Variants in TMIGD1 observed in about 807,000 individuals in gnomAD.
The protein encoded by TMIGD1 is transmembrane and immunoglobulin domain containing 1, also known as transmembrane and immunoglobulin domain-containing protein 1.
TMIGD1 carries 29 observed loss-of-function variants against 27.5 expected under a neutral mutation model. The observed-to-expected ratio is 1.05, with a 90% confidence interval of 0.78 to 1.44. The LOEUF is 1.44. TMIGD1 is among the 40% of genes most tolerant of loss of function. The probability of loss-of-function intolerance (pLI) is 0.00; values close to 1 mark genes in which losing one functional copy is unlikely to be tolerated. For synonymous variants in TMIGD1, 109 were observed against 110.3 expected (o/e 0.99, Z 0.07); for missense variants, 334 against 310.6 (o/e 1.08, Z -0.57).
chr17:30,323,750 G>A (rs184713097), intron 4 of TMIGD1, among the ~76,000 whole-genome samples: 2,652 of 152,114 alleles, frequency 0.017, 32 homozygotes, highest in Non-Finnish European at 0.024. Flanking sequence ...TGTGGTCTTG[G>A]GGGAGGTAAA....
At chr17:30,318,067 C>CA (rs1426081639) in intron 5 of TMIGD1, among the ~76,000 whole-genome samples, 1 of 148,930 alleles carries the variant, frequency 6.7e-6, no homozygotes, top group African/African-American at 2.5e-5. Flanking sequence ...AACTCTATCT[C>CA]AAAAAAATAA....
intron 3 of TMIGD1, 84 bp downstream of exon 3, chr17:30,329,166 CA>C: frequency 6.6e-7 from 1 of 1,521,746 alleles, no homozygotes; most frequent in Non-Finnish European, 8.9e-7. Flanking sequence ...GGCAATTTGG[CA>C]ATACCAAGAC....
intron 3 of TMIGD1, among the ~76,000 whole-genome samples, chr17:30,327,430 G>A (rs1909821311): frequency 6.9e-6 from 1 of 144,198 alleles, no homozygotes; most frequent in Admixed American, 6.9e-5. Flanking sequence ...AAAAAAAAAA[G>A]TTTCGTGGAA....
intron 3 of TMIGD1, among the ~76,000 whole-genome samples, chr17:30,328,867 G>T (rs1350198559): frequency 6.6e-6 from 1 of 151,792 alleles, no homozygotes; most frequent in Non-Finnish European, 1.5e-5. Context: ...AGGAGGCTGA[G>T]GCAGGAGAAT....
intron 2 of TMIGD1, among the ~76,000 whole-genome samples, chr17:30,330,967 C>T (rs895116198): frequency 2.0e-5 from 3 of 151,994 alleles, no homozygotes; most frequent in African/African-American, 7.3e-5. Flanking sequence ...CTGAGGCGGA[C>T]GGATCACCTG....
At chr17:30,319,465 T>A (rs1039883733) in intron 4 of TMIGD1, among the ~76,000 whole-genome samples, 70 of 146,482 alleles carry the variant, frequency 4.8e-4, no homozygotes, top group Non-Finnish European at 8.4e-4. Flanking sequence ...ACAGAACTGG[T>A]AAATGGTAGA....
intron 6 of TMIGD1, 48 bp downstream of exon 6, chr17:30,317,145 A>G: frequency 6.3e-7 from 1 of 1,595,298 alleles, no homozygotes; most frequent in Non-Finnish European, 8.6e-7. Flanking sequence ...TATCACTGCT[A>G]TTCATCTGCT....
chr17:30,330,306 C>A (rs748004324), intron 2 of TMIGD1, among the ~76,000 whole-genome samples: 142 of 150,046 alleles, frequency 9.5e-4, no homozygotes, highest in Non-Finnish European at 1.7e-3. Flanking sequence ...CAGGAAAAAA[C>A]CCATATATAT....
chr17:30,319,802 C>T (rs11870819), intron 4 of TMIGD1, among the ~76,000 whole-genome samples: 32 of 151,834 alleles, frequency 2.1e-4, no homozygotes, highest in Non-Finnish European at 4.4e-4. Flanking sequence ...TGCAATGGTG[C>T]CCCAAGCAGG....
intron 2 of TMIGD1, 55 bp from the exon 3 acceptor site, chr17:30,329,584 C>A: frequency 6.8e-7 from 1 of 1,468,310 alleles, no homozygotes; most frequent in Non-Finnish European, 9.3e-7. Flanking sequence ...CCTTAATGCT[C>A]ATGAACAGGG....
intron 5 of TMIGD1, among the ~76,000 whole-genome samples, chr17:30,318,563 C>A (rs1909496072): frequency 6.6e-6 from 1 of 152,152 alleles, no homozygotes; most frequent in Admixed American, 6.5e-5. Context: ...CAATTGCCTA[C>A]CCCTGGCAAC....
At chr17:30,325,201 C>T in intron 3 of TMIGD1, 107 bp from the exon 4 acceptor site, 1 of 1,252,202 alleles carries the variant, frequency 8.0e-7, no homozygotes, top group Non-Finnish European at 1.1e-6. Flanking sequence ...ATTCATTTGA[C>T]AAAAATTTAT....
At chr17:30,317,044 T>A (rs1909437061) in intron 6 of TMIGD1, 149 bp downstream of exon 6, 1 of 921,242 alleles carries the variant, frequency 1.1e-6, no homozygotes, top group East Asian at 2.5e-5. Flanking sequence ...TCCTCTAAAG[T>A]GGAGGCAGAT....
At chr17:30,325,898 G>A (rs1398785692) in intron 3 of TMIGD1, among the ~76,000 whole-genome samples, 6 of 147,582 alleles carry the variant, frequency 4.1e-5, no homozygotes, top group Non-Finnish European at 7.6e-5. Context: ...TCTACAATAA[G>A]GGCAGTTGTA....
At chr17:30,329,563 A>C (rs762377429) in intron 2 of TMIGD1, 34 bp from the exon 3 acceptor site, 1 of 1,578,692 alleles carries the variant, frequency 6.3e-7, no homozygotes, top group Admixed American at 1.7e-5. Flanking sequence ...TTAGATATAC[A>C]GAGTAAACAA....
At chr17:30,330,040 G>A (rs1217633942) in intron 2 of TMIGD1, among the ~76,000 whole-genome samples, 5 of 152,038 alleles carry the variant, frequency 3.3e-5, no homozygotes, top group Admixed American at 6.6e-5. Flanking sequence ...AGCCAAGATC[G>A]CACCATTGAA....
rs1042941740 is a variant in TMIGD1 at position 30,330,920 on chromosome 17, A to G, written c.82+1132T>C. On this transcript the variant is annotated intron_variant, in intron 2 of 6. Coordinates refer to ENST00000328886, the MANE Select transcript of TMIGD1 (RefSeq NM_206832.3). ...TTTAAAACACTTAAGCTGGCCGGGCATGGTGGCTCATGCCTGTAATCCCAC... is the reference window on the plus strand; with the variant it reads ...TTTAAAACACTTAAGCTGGCCGGGCGTGGTGGCTCATGCCTGTAATCCCAC... Among the ~76,000 whole-genome samples the G allele has an allele frequency of 1.4e-4, 21 of 152,312 alleles. No homozygotes were observed. The East Asian group carries it at 2.5e-3, about 18-fold the overall frequency.
rs1909999723 is a variant in TMIGD1, at chr17:30,332,114, A to G, written c.20T>C (p.Val7Ala). 2 of 1,613,396 alleles carry G rather than the reference A, an allele frequency of 1.2e-6. No homozygotes were observed. Among genetic ancestry groups the G allele is most frequent in the Admixed American group, 1.7e-5 (1 of 59,936 alleles). MAWKSS[V>A]IMQMGRFLLL... ...AAGAAATCTTCCCATTTGCATTATG[A>G]CACTGCTCTTCCATGCCATCTTTAA... is the stretch of plus-strand genomic sequence containing the variant. Residue 7 changes from valine (V) to alanine (A), a missense_variant, in exon 2 of 7, where the codon GTC becomes GCC. Val to Ala is a moderately conservative substitution (Grantham distance 64, BLOSUM62 0). Coordinates refer to ENST00000328886, the MANE Select transcript of TMIGD1 (RefSeq NM_206832.3).
intron 4 of TMIGD1, among the ~76,000 whole-genome samples, chr17:30,319,739 A>T (rs561052149): frequency 4.0e-4 from 61 of 152,058 alleles, no homozygotes; most frequent in African/African-American, 1.4e-3. Context: ...TGGACTAAGA[A>T]GGAGAGAGAG....
Sources: allele counts gnomAD v4.1 joint callset (sites outside exome capture counted in the v4.1 genomes callset), GRCh38; gene constraint gnomAD v4.1.1; transcripts MANE v1.5; gene names NCBI Gene and HGNC (gene_info 2026-07-23, HGNC 2026-07-21).